The following NCOA6 variants were observed in gnomAD, a reference collection of about 807,000 sequenced individuals.
NCOA6 encodes nuclear receptor coactivator 6.
In NCOA6, 49 loss-of-function variants were observed where a neutral mutation model predicts 171.4. The ratio of observed to expected loss-of-function variants is 0.29; its 90% CI spans 0.23 to 0.36. The LOEUF is 0.36. Ranked by LOEUF, NCOA6 falls within the 10% of genes least tolerant of loss-of-function variation. The probability of loss-of-function intolerance (pLI) is 1.00; values close to 1 mark genes in which losing one functional copy is unlikely to be tolerated. For missense variants in NCOA6, 2,248 were observed against 2,554.5 expected, an observed-to-expected ratio of 0.88 and a Z score of 2.59; for synonymous variants, 910 against 927.5, an observed-to-expected ratio of 0.98 and a Z score of 0.34.
At chr20:34,809,502 C>T in intron 1 of NCOA6, 1 of 398,532 alleles carries the variant, frequency 2.5e-6, no homozygotes, top group Non-Finnish European at 4.4e-6. Flanking sequence ...CAGTGGGACC[C>T]CTCTCCATTC....
intron 5 of NCOA6, among the ~76,000 whole-genome samples, chr20:34,759,345 G>C (rs1283298816): frequency 1.3e-5 from 2 of 152,098 alleles, no homozygotes; most frequent in Non-Finnish European, 2.9e-5. Context: ...CGGCCTGGAA[G>C]TTTCTACACC....
intron 4 of NCOA6, among the ~76,000 whole-genome samples, chr20:34,771,129 A>G (rs1305882402): frequency 6.6e-6 from 1 of 152,146 alleles, no homozygotes; most frequent in East Asian, 1.9e-4. Flanking sequence ...AATTATTATT[A>G]TTTTTTGAAA....
intron 1 of NCOA6, among the ~76,000 whole-genome samples, chr20:34,812,156 G>A (rs1441386853): frequency 2.0e-5 from 3 of 151,930 alleles, no homozygotes; most frequent in African/African-American, 7.3e-5. Flanking sequence ...GGGAGGCTGA[G>A]GCATGAGAAT....
chr20:34,727,108 A>G (rs1376877320), intron 14 of NCOA6, 151 bp downstream of exon 14: 1 of 896,246 alleles, frequency 1.1e-6, no homozygotes, highest in Non-Finnish European at 1.7e-6. Context: ...ATGAACAAAT[A>G]AAGGAAGGAC....
intron 3 of NCOA6, chr20:34,776,674 T>G: frequency 1.5e-6 from 1 of 649,536 alleles, no homozygotes; most frequent in Non-Finnish European, 2.8e-6. Flanking sequence ...ACTTATCTTT[T>G]TCTTTTCTAA....
chr20:34,716,216 A>AG (rs1988575831), intron 14 of NCOA6, among the ~76,000 whole-genome samples: 2 of 43,946 alleles, frequency 4.6e-5, no homozygotes, highest in Admixed American at 6.7e-4. Context: ...ACTCCGTCTC[A>AG]AAAAAAAAAA....
At chr20:34,715,501 G>T in intron 14 of NCOA6, 136 bp from the exon 15 acceptor site, 1 of 659,346 alleles carries the variant, frequency 1.5e-6, no homozygotes, top group South Asian at 1.8e-5. Flanking sequence ...TGCTCTGAAT[G>T]GAGAGAGTCA....
At chr20:34,810,344 ATAT>A (rs2078610111) in intron 1 of NCOA6, among the ~76,000 whole-genome samples, 1 of 152,304 alleles carries the variant, frequency 6.6e-6, no homozygotes, top group South Asian at 2.1e-4. Context: ...AAATATGTTG[ATAT>A]TATTATACTT....
chr20:34,729,534 C>CAACAAAACAA (rs11470877), intron 13 of NCOA6, among the ~76,000 whole-genome samples: 13 of 150,072 alleles, frequency 8.7e-5, no homozygotes, highest in East Asian at 2.0e-4. Flanking sequence ...AAAAATAATG[C>CAACAAAACAA]AACAAAACAA....
intron 5 of NCOA6, among the ~76,000 whole-genome samples, chr20:34,767,454 C>A (rs1050931052): frequency 3.9e-5 from 6 of 152,078 alleles, no homozygotes; most frequent in African/African-American, 1.4e-4. Flanking sequence ...TGCCACCACA[C>A]CTAGCTAATT....
intron 1 of NCOA6, among the ~76,000 whole-genome samples, chr20:34,813,792 A>T (rs1399059061): frequency 3.3e-5 from 5 of 152,108 alleles, no homozygotes; most frequent in African/African-American, 1.2e-4. Flanking sequence ...AAACATTTAA[A>T]ATATCAAAAA....
In NCOA6 at chr20:34,750,357, G is replaced by C; in HGVS notation, c.1838C>G (p.Pro613Arg). Reference sequence around the variant, plus strand: ...CAGCTGAGATGGTGGGCCCTGCTGGGGCTGGCCTTGCATGTTGCTGAGGTT... The same window carrying C: ...CAGCTGAGATGGTGGGCCCTGCTGGCGCTGGCCTTGCATGTTGCTGAGGTT... ...QVNLSNMQGQ[P>R]QQGPPSQLMG... The change falls in exon 9 of 15, where the codon CCC (proline) becomes CGC (arginine). Residue 613 changes from proline (P) to arginine (R), a missense_variant. Pro to Arg is a moderately radical substitution (Grantham distance 103). This residue lies in a region of NCOA6 where 987 missense variants were observed against 1,104.7 expected (regional missense o/e 0.89). Transcript: ENST00000359003. The C allele has an allele frequency of 6.2e-7, 1 of 1,614,004 alleles. No homozygotes were observed. Among genetic ancestry groups the C allele is most frequent in the Non-Finnish European group, 8.5e-7 (1 of 1,179,988 alleles).
intron 1 of NCOA6, among the ~76,000 whole-genome samples, chr20:34,800,673 A>G (rs2078228099): frequency 6.6e-6 from 1 of 152,180 alleles, no homozygotes; most frequent in African/African-American, 2.4e-5. Flanking sequence ...ACAATTATAA[A>G]TATAAATGAA....
chr20:34,727,213 A>G (rs756541739), intron 14 of NCOA6, 46 bp downstream of exon 14: 7 of 1,597,742 alleles, frequency 4.4e-6, no homozygotes, highest in South Asian at 2.2e-5. Context: ...TAAGAACTCT[A>G]TTCCTCTATT....
At chr20:34,762,577 T>C (rs1037547253) in intron 5 of NCOA6, among the ~76,000 whole-genome samples, 2 of 152,166 alleles carry the variant, frequency 1.3e-5, no homozygotes, top group Admixed American at 1.3e-4. Flanking sequence ...TTAGAAGTTA[T>C]ATATTCCATT....
At chr20:34,824,531 A>T (rs1323766224) in intron 1 of NCOA6, among the ~76,000 whole-genome samples, 6 of 152,122 alleles carry the variant, frequency 3.9e-5, no homozygotes, top group Non-Finnish European at 8.8e-5. Flanking sequence ...GTCCCCTTCC[A>T]GGGAAGACAC....
At chr20:34,786,927 T>C (rs765247240) in intron 2 of NCOA6, among the ~76,000 whole-genome samples, 2 of 152,102 alleles carry the variant, frequency 1.3e-5, no homozygotes, top group African/African-American at 2.4e-5. Context: ...AAAGATTTCA[T>C]GATAAAAACG....
chr20:34,737,866 C>G (rs1344417117), intron 11 of NCOA6, among the ~76,000 whole-genome samples: 1 of 152,184 alleles, frequency 6.6e-6, no homozygotes, highest in South Asian at 2.1e-4. Context: ...ATCTTAACTT[C>G]TACTTTTAAC....
chr20:34,804,986 T>C (rs1229378645), intron 1 of NCOA6, among the ~76,000 whole-genome samples: 1 of 152,008 alleles, frequency 6.6e-6, no homozygotes, highest in Non-Finnish European at 1.5e-5. Context: ...CTTTTTATCC[T>C]TCCCCTGCTC....
Sources: allele counts gnomAD v4.1 joint callset (sites outside exome capture counted in the v4.1 genomes callset), GRCh38; gene constraint gnomAD v4.1.1; regional missense constraint gnomAD v4.1.1; transcripts MANE v1.5; gene names NCBI Gene and HGNC (gene_info 2026-07-23, HGNC 2026-07-21).